VAV2: variants seen among roughly 807,000 people sequenced by gnomAD.
The protein encoded by VAV2 is guanine nucleotide exchange factor VAV2.
A neutral mutation model predicts 132.5 loss-of-function variants in VAV2; 67 were observed. That is an observed-to-expected ratio of 0.51 (90% confidence interval 0.42 to 0.62). The LOEUF (loss-of-function observed/expected upper bound fraction) is 0.62, where lower values mean the gene tolerates loss of function less well. Ranked by LOEUF, VAV2 falls within the 20% of genes least tolerant of loss-of-function variation. VAV2 has a pLI of 0.00. For synonymous variants in VAV2, 492 were observed against 443.5 expected (o/e 1.11, Z -1.37); for missense variants, 938 against 1,153.6 (o/e 0.81, Z 2.71).
chr9:133,813,388 T>C (rs922225243), intron 4 of VAV2, among the ~76,000 whole-genome samples: 2 of 152,242 alleles, frequency 1.3e-5, no homozygotes, highest in African/African-American at 4.8e-5. Flanking sequence ...CCAGCCACGC[T>C]GTGTGCCACG....
chr9:133,772,560 C>T (rs1005065479), intron 25 of VAV2, among the ~76,000 whole-genome samples: 1 of 152,178 alleles, frequency 6.6e-6, no homozygotes, highest in Non-Finnish European at 1.5e-5. Context: ...CCCTTATGTC[C>T]TCACGTCTCA....
Position 133,939,661 on chromosome 9 carries a change from A to C in VAV2, c.205-442T>G, listed in dbSNP as rs979771238. Among the ~76,000 whole-genome samples the C allele has an allele frequency of 9.2e-5, 14 of 152,384 alleles. No homozygotes were observed. The East Asian group carries it at 2.3e-3, about 25-fold the overall frequency. On this transcript the variant is annotated intron_variant, in intron 1 of 29. Transcript: ENST00000371850. ...AGGCCGACAGTCACAGCTGGGGCAG[A>C]ATATGCAAGCCTTAAATCAACAAGA...
chr9:133,771,917 T>G, intron 26 of VAV2, 42 bp downstream of exon 26: 16 of 1,578,154 alleles, frequency 1.0e-5, no homozygotes, highest in African/African-American at 1.3e-5. Context: ...ACCTGTCCCC[T>G]GTGGCTGGGG....
intron 29 of VAV2, 43 bp from the exon 30 acceptor site, chr9:133,764,152 G>C: frequency 6.2e-7 from 1 of 1,611,358 alleles, no homozygotes. Flanking sequence ...GTGTGTGTGT[G>C]TGTAAGCAGG....
At position 133,796,445 on chromosome 9, in the gene VAV2, T is replaced by A; in HGVS notation, c.1016A>T (p.Tyr339Phe). The change falls in exon 11 of 30, where the codon TAC becomes TTC. Residue 339 changes from tyrosine to phenylalanine, a missense_variant. Transcript: ENST00000371850. ...LVVPMQRVLK[Y>F]HLLLKELLSH... Reference sequence around the variant, plus strand: ...GAGCCTCACCTTCAAGAGCAGGTGGTATTTGAGCACCCTCTGCATGGGGAC... The same window carrying A: ...GAGCCTCACCTTCAAGAGCAGGTGGAATTTGAGCACCCTCTGCATGGGGAC... The A allele has an allele frequency of 6.2e-7, 1 of 1,613,526 alleles. No homozygotes were observed. Among genetic ancestry groups the A allele is most frequent in the Non-Finnish European group, 8.5e-7 (1 of 1,179,860 alleles).
chr9:133,949,176 C>T (rs929915422), intron 1 of VAV2, among the ~76,000 whole-genome samples: 2 of 152,288 alleles, frequency 1.3e-5, no homozygotes, highest in Non-Finnish European at 1.5e-5. Flanking sequence ...TACACCACCT[C>T]GGCACTGGTA....
intron 1 of VAV2, among the ~76,000 whole-genome samples, chr9:133,966,515 GTGCAATATGGCGAGACCCC>G (rs1842145385): frequency 6.6e-6 from 1 of 152,182 alleles, no homozygotes; most frequent in Non-Finnish European, 1.5e-5. Flanking sequence ...AGACTGGCCT[GTGCAATATGGCGAGACCCC>G]GTCTCTACAA....
At chr9:133,947,963 G>T (rs1564490694) in intron 1 of VAV2, among the ~76,000 whole-genome samples, 1 of 151,982 alleles carries the variant, frequency 6.6e-6, no homozygotes, top group South Asian at 2.1e-4. Context: ...GCTAATTTTT[G>T]TATTTTTAGT....
At chr9:133,854,491 T>A (rs1049889910) in intron 3 of VAV2, among the ~76,000 whole-genome samples, 28 of 152,264 alleles carry the variant, frequency 1.8e-4, no homozygotes, top group African/African-American at 6.8e-4. Flanking sequence ...GGCTGCCCAC[T>A]GCTACTCCTC....
At position 133,804,139 on chromosome 9, in the gene VAV2, TA is replaced by T. The variant is rs1300160215; in HGVS notation, c.836+1941del. Among the ~76,000 whole-genome samples, 1 of 152,012 alleles carries T rather than the reference TA, an allele frequency of 6.6e-6. No homozygotes were observed. The highest frequency in any genetic ancestry group is 1.5e-5 in the Non-Finnish European group (1 of 67,982). On this transcript the variant is annotated intron_variant, in intron 9 of 29. Transcript: ENST00000371850. The surrounding 1 kb of genome is among the most constrained non-coding windows in gnomAD (Gnocchi z 4.5). ...GGAGCCATACAGAGCAGGCACCCTA[TA>T]AAAGCTTCAGGACTCAGCCAGCAAG...
intron 1 of VAV2, among the ~76,000 whole-genome samples, chr9:133,955,589 C>T (rs1181325780): frequency 2.9e-4 from 14 of 48,370 alleles, no homozygotes; most frequent in African/African-American, 1.3e-3. Flanking sequence ...CCCACTCCCC[C>T]CATGATCCTC....
chr9:133,792,021 G>A (rs887888371), intron 12 of VAV2, 152 bp from the exon 13 acceptor site: 10 of 612,602 alleles, frequency 1.6e-5, no homozygotes, highest in South Asian at 3.8e-5. Flanking sequence ...GAGCTGTGCT[G>A]GGTGGGGTGT....
At chr9:133,892,512 C>G (rs1839019401) in intron 2 of VAV2, among the ~76,000 whole-genome samples, 1 of 152,024 alleles carries the variant, frequency 6.6e-6, no homozygotes, top group African/African-American at 2.4e-5. Context: ...CCAAGATCAT[C>G]CCAGGGGTCA....
chr9:133,766,279 A>G (rs1248608179), intron 29 of VAV2, among the ~76,000 whole-genome samples: 1 of 152,256 alleles, frequency 6.6e-6, no homozygotes, highest in Admixed American at 6.5e-5. Flanking sequence ...TTACAGTCCC[A>G]TCAACAGTGT....
chr9:133,921,530 C>T (rs1840297204), intron 2 of VAV2, among the ~76,000 whole-genome samples: 1 of 152,176 alleles, frequency 6.6e-6, no homozygotes, highest in Non-Finnish European at 1.5e-5. Flanking sequence ...AACCCAGCTT[C>T]CCAGTGCCTC....
intron 2 of VAV2, among the ~76,000 whole-genome samples, chr9:133,904,261 C>T (rs1045781784): frequency 2.0e-5 from 3 of 152,208 alleles, no homozygotes; most frequent in East Asian, 1.9e-4. Flanking sequence ...TGGGAGACCC[C>T]TCTAGAGAAC....
In VAV2 at chr9:133,871,467, C is replaced by CAGAT. The variant is rs1307975651; in HGVS notation, c.322-10036_322-10035insATCT. 2.6e-3 allele frequency among the ~76,000 whole-genome samples: 361 copies of CAGAT among 141,118 alleles called. 3 individuals carry two copies. The highest frequency in any genetic ancestry group is 8.9e-3 in the African/African-American group (339 of 38,180). The allele number at this position is 141,118 out of a possible 152,430, so 92.6% of individuals were successfully genotyped here. ...ATGGATGGATGGATGGATGGAGAAG[C>CAGAT]GGATGGATGGATGGATGGATGGATG... On this transcript the variant is annotated intron_variant, in intron 2 of 29. Transcript: ENST00000371850.
intron 1 of VAV2, among the ~76,000 whole-genome samples, chr9:133,977,366 G>T (rs145889275): frequency 6.6e-6 from 1 of 152,310 alleles, no homozygotes; most frequent in African/African-American, 2.4e-5. Flanking sequence ...GGGCCTAGGG[G>T]AGGGAGGCAC....
At chr9:133,887,695 G>C (rs1476642965) in intron 2 of VAV2, among the ~76,000 whole-genome samples, 1 of 152,072 alleles carries the variant, frequency 6.6e-6, no homozygotes, top group Non-Finnish European at 1.5e-5. Flanking sequence ...TGAGGGATGA[G>C]ATCACAGCAG....
Sources: allele counts gnomAD v4.1 joint callset (sites outside exome capture counted in the v4.1 genomes callset), GRCh38; gene constraint gnomAD v4.1.1; non-coding constraint Gnocchi (gnomAD v3.1); transcripts MANE v1.5; gene names NCBI Gene and HGNC (gene_info 2026-07-23, HGNC 2026-07-21).